Variants in KIAA0319L observed in about 807,000 individuals in gnomAD.
KIAA0319L encodes dyslexia-associated protein KIAA0319-like protein.
Under a neutral mutation model 120.1 loss-of-function variants are expected in KIAA0319L, and 55 were observed. The ratio of observed to expected loss-of-function variants is 0.46; its 90% CI spans 0.37 to 0.57. The LOEUF is 0.57. Ranked by LOEUF, KIAA0319L falls within the 20% of genes least tolerant of loss-of-function variation. The pLI, the probability that KIAA0319L is intolerant of heterozygous loss-of-function variation, is 0.00. For missense variants in KIAA0319L, 1,049 were observed against 1,255.3 expected (o/e 0.84, Z 2.48); for synonymous variants, 398 against 471.9 (o/e 0.84, Z 2.03).
At chr1:35,495,607 G>A (rs1416705123) in intron 3 of KIAA0319L, among the ~76,000 whole-genome samples, 1 of 152,034 alleles carries the variant, frequency 6.6e-6, no homozygotes, top group Non-Finnish European at 1.5e-5. Context: ...AAATATATAT[G>A]TAAGAAAATA....
chr1:35,483,301 C>T (rs1349387627), intron 3 of KIAA0319L, among the ~76,000 whole-genome samples: 1 of 152,192 alleles, frequency 6.6e-6, no homozygotes, highest in Non-Finnish European at 1.5e-5. Flanking sequence ...AGTGACATGG[C>T]TAAGAAATCT....
At chr1:35,545,758 G>A (rs1646958399) in intron 2 of KIAA0319L, among the ~76,000 whole-genome samples, 1 of 152,150 alleles carries the variant, frequency 6.6e-6, no homozygotes, top group Non-Finnish European at 1.5e-5. Flanking sequence ...AGCCGGGCGT[G>A]GTGGCAGGTG....
At chr1:35,463,182 G>T (rs1376723332) in intron 7 of KIAA0319L, among the ~76,000 whole-genome samples, 1 of 152,190 alleles carries the variant, frequency 6.6e-6, no homozygotes, top group Non-Finnish European at 1.5e-5. Context: ...CATAATTAAT[G>T]ATTGAAGCAT....
chr1:35,503,554 T>G (rs185057679), intron 3 of KIAA0319L, among the ~76,000 whole-genome samples: 29 of 152,250 alleles, frequency 1.9e-4, no homozygotes, highest in African/African-American at 6.3e-4. Flanking sequence ...TTCAAGTGAG[T>G]CTGATGCATG....
rs146615473 is a variant in KIAA0319L, at chr1:35,514,948, T to C, written c.143-7813A>G. The stretch of plus-strand genomic sequence containing the variant: ...AACAACAGAATATACATTCTTCTTA[T>C]AGACACATGGCACATACTCTAAAAT... On this transcript the variant is annotated intron_variant, in intron 2 of 20. Coordinates refer to ENST00000325722, the MANE Select transcript of KIAA0319L (RefSeq NM_024874.5). Among the ~76,000 whole-genome samples, 993 of 152,320 alleles carry C rather than the reference T, an allele frequency of 6.5e-3. 16 individuals carry two copies. Among genetic ancestry groups the C allele is most frequent in the African/African-American group, 0.021 (880 of 41,564 alleles).
At chr1:35,470,997 C>T (rs1297475575) in intron 5 of KIAA0319L, 37 bp from the exon 6 acceptor site, 1 of 1,142,788 alleles carries the variant, frequency 8.8e-7, no homozygotes, top group African/African-American at 1.5e-5. Context: ...TGAAAACACA[C>T]ACCAACACAC....
chr1:35,463,900 G>A (rs559147828), intron 7 of KIAA0319L, among the ~76,000 whole-genome samples: 38 of 152,154 alleles, frequency 2.5e-4, no homozygotes, highest in Non-Finnish European at 4.6e-4. Flanking sequence ...ATCTGATGGT[G>A]TTAAAAACAG....
At chr1:35,526,756 GTCTTTGTGGT>G (rs1455716462) in intron 2 of KIAA0319L, among the ~76,000 whole-genome samples, 1 of 152,084 alleles carries the variant, frequency 6.6e-6, no homozygotes, top group Non-Finnish European at 1.5e-5. Context: ...GGTTATTGGA[GTCTTTGTGGT>G]TCCATAAAAA....
At chr1:35,441,188 G>C in intron 19 of KIAA0319L, 50 bp from the exon 20 acceptor site, 2 of 1,539,236 alleles carry the variant, frequency 1.3e-6, no homozygotes, top group Non-Finnish European at 1.8e-6. Context: ...TCTCTGGGAG[G>C]ATGAGGATGA....
At chr1:35,490,021 C>T (rs753836310) in intron 3 of KIAA0319L, among the ~76,000 whole-genome samples, 21 of 152,180 alleles carry the variant, frequency 1.4e-4, no homozygotes, top group African/African-American at 2.6e-4. Flanking sequence ...AGTGCCATGA[C>T]GCGATCTTGG....
intron 2 of KIAA0319L, among the ~76,000 whole-genome samples, chr1:35,550,591 C>T (rs1456390100): frequency 1.3e-5 from 2 of 152,154 alleles, no homozygotes; most frequent in Admixed American, 6.5e-5. Context: ...TTTAGTTGTA[C>T]ATCTTGTTTC....
intron 2 of KIAA0319L, among the ~76,000 whole-genome samples, chr1:35,551,247 T>C (rs1256433234): frequency 6.6e-6 from 1 of 152,238 alleles, no homozygotes; most frequent in African/African-American, 2.4e-5. Flanking sequence ...TGATTGGTAA[T>C]GAGAACGAAC....
intron 2 of KIAA0319L, among the ~76,000 whole-genome samples, chr1:35,542,084 C>G (rs1646815094): frequency 6.6e-6 from 1 of 152,212 alleles, no homozygotes; most frequent in South Asian, 2.1e-4. Flanking sequence ...GTTTAAGAAG[C>G]TAGCAGAGAA....
At chr1:35,466,935 T>C (rs938727250) in intron 6 of KIAA0319L, among the ~76,000 whole-genome samples, 2 of 151,826 alleles carry the variant, frequency 1.3e-5, no homozygotes, top group African/African-American at 4.8e-5. Context: ...CTACCAAAAA[T>C]ACAAAAATTA....
At chr1:35,470,813 A>G (rs771650684) in intron 6 of KIAA0319L, 50 bp downstream of exon 6, 8 of 1,093,438 alleles carry the variant, frequency 7.3e-6, no homozygotes, top group Non-Finnish European at 9.9e-6. Flanking sequence ...ATTTTAGAAA[A>G]CAGTCAACTC....
At chr1:35,472,599 A>G (rs1006985266) in intron 5 of KIAA0319L, among the ~76,000 whole-genome samples, 31 of 149,720 alleles carry the variant, frequency 2.1e-4, no homozygotes, top group African/African-American at 7.6e-4. Context: ...CCAGCCGGAC[A>G]GTGGTTTTGA....
chr1:35,542,443 T>C (rs1436429070), intron 2 of KIAA0319L, among the ~76,000 whole-genome samples: 1 of 152,196 alleles, frequency 6.6e-6, no homozygotes, highest in African/African-American at 2.4e-5. Context: ...CAAGACCAAT[T>C]CTTACAACCT....
intron 3 of KIAA0319L, among the ~76,000 whole-genome samples, chr1:35,497,836 A>C (rs922993369): frequency 6.6e-6 from 1 of 152,210 alleles, no homozygotes; most frequent in African/African-American, 2.4e-5. Context: ...TTGTGTGCAA[A>C]GTTTTATTTA....
At chr1:35,459,161 G>C (rs941658401) in intron 9 of KIAA0319L, among the ~76,000 whole-genome samples, 2 of 152,162 alleles carry the variant, frequency 1.3e-5, no homozygotes, top group Admixed American at 6.5e-5. Context: ...CCTGTCTGGA[G>C]GGATCTCAGA....
Sources: allele counts gnomAD v4.1 joint callset (sites outside exome capture counted in the v4.1 genomes callset), GRCh38; gene constraint gnomAD v4.1.1; transcripts MANE v1.5; gene names NCBI Gene and HGNC (gene_info 2026-07-23, HGNC 2026-07-21).